The following SH3PXD2A variants were observed in gnomAD, a reference collection of about 807,000 sequenced individuals.
SH3PXD2A encodes the protein SH3 and PX domains 2A.
A neutral mutation model predicts 115.2 loss-of-function variants in SH3PXD2A; 32 were observed. The observed-to-expected ratio is 0.28, with a 90% CI of 0.21 to 0.37. SH3PXD2A has a LOEUF of 0.37. Among genes scored for constraint, SH3PXD2A ranks in the 10% least tolerant of loss-of-function variants. The pLI is 1.00. For synonymous variants in SH3PXD2A, 610 were observed against 629.1 expected (o/e 0.97, Z 0.45); for missense variants, 1,328 against 1,498.7 (o/e 0.89, Z 1.88).
chr10:103,714,934 A>ATGCCCTGGAGTT (rs1301951729), intron 5 of SH3PXD2A, among the ~76,000 whole-genome samples: 6 of 152,152 alleles, frequency 3.9e-5, no homozygotes, highest in Non-Finnish European at 5.9e-5. Context: ...GGGACTTGGG[A>ATGCCCTGGAGTT]TGCCCTGGAG....
intron 1 of SH3PXD2A, among the ~76,000 whole-genome samples, chr10:103,850,404 C>T (rs914654584): frequency 1.3e-5 from 2 of 152,068 alleles, no homozygotes; most frequent in African/African-American, 4.8e-5. Flanking sequence ...TTGTCAGACC[C>T]GTGAATCACC....
intron 8 of SH3PXD2A, among the ~76,000 whole-genome samples, chr10:103,642,958 G>A (rs1363048916): frequency 6.6e-6 from 1 of 152,102 alleles, no homozygotes; most frequent in Non-Finnish European, 1.5e-5. Context: ...CTTCAATTGG[G>A]CAAAAATAAA....
chr10:103,791,326 T>G (rs2039034123), intron 2 of SH3PXD2A, among the ~76,000 whole-genome samples: 1 of 152,202 alleles, frequency 6.6e-6, no homozygotes, highest in Non-Finnish European at 1.5e-5. Context: ...AAACACCCTG[T>G]GAACACCGTG....
intron 7 of SH3PXD2A, among the ~76,000 whole-genome samples, chr10:103,664,130 G>A (rs2037351784): frequency 6.6e-6 from 1 of 152,166 alleles, no homozygotes; most frequent in Non-Finnish European, 1.5e-5. Context: ...GAGCCTCTGT[G>A]GCCAACAGCA....
At chr10:103,606,432 TAA>T (rs533450822) in intron 13 of SH3PXD2A, among the ~76,000 whole-genome samples, 268 of 8,078 alleles carry the variant, frequency 0.033, 1 homozygote, top group East Asian at 0.065. Flanking sequence ...AAGAATTTGC[TAA>T]AAAAAAAAAA....
At chr10:103,836,986 T>C (rs1458226594) in intron 1 of SH3PXD2A, among the ~76,000 whole-genome samples, 1 of 152,192 alleles carries the variant, frequency 6.6e-6, no homozygotes, top group Non-Finnish European at 1.5e-5. Context: ...GAGTGACGGA[T>C]GAAGATATTA....
chr10:103,673,898 G>C (rs1412969417), intron 6 of SH3PXD2A, among the ~76,000 whole-genome samples: 1 of 152,196 alleles, frequency 6.6e-6, no homozygotes, highest in African/African-American at 2.4e-5. Context: ...CCCCACCCTG[G>C]GCTCTGGGGA....
chr10:103,793,884 G>A (rs1398017750), intron 2 of SH3PXD2A, among the ~76,000 whole-genome samples: 2 of 152,200 alleles, frequency 1.3e-5, no homozygotes, highest in African/African-American at 4.8e-5. Context: ...ATCACCCCAG[G>A]TTGATCTCAG....
At chr10:103,688,869 C>T (rs1486648620) in intron 6 of SH3PXD2A, among the ~76,000 whole-genome samples, 1 of 151,876 alleles carries the variant, frequency 6.6e-6, no homozygotes, top group Non-Finnish European at 1.5e-5. Flanking sequence ...CTCCTTCCTT[C>T]CTATTTATTT....
chr10:103,645,249 G>A (rs1464079885), intron 8 of SH3PXD2A, among the ~76,000 whole-genome samples: 2 of 152,220 alleles, frequency 1.3e-5, no homozygotes, highest in South Asian at 2.1e-4. Context: ...TGGGGCCAAT[G>A]CGGGATCAGC....
intron 11 of SH3PXD2A, among the ~76,000 whole-genome samples, chr10:103,615,483 GGTGTGTGTGTGTGTGTGTGTGT>G (rs57711259): frequency 0.19 from 24,756 of 128,606 alleles, 2,550 homozygotes; most frequent in Non-Finnish European, 0.23. Context: ...AGAGTGCGAG[GGTGTGTGTGTGTGTGTGTGTGT>G]GTGTGTGTGT....
At position 103,617,317 on chromosome 10, in the gene SH3PXD2A, G is replaced by T; in HGVS notation, c.803-3C>A. The T allele has an allele frequency of 6.2e-7, 1 of 1,604,156 alleles. No homozygotes were observed. Among genetic ancestry groups the T allele is most frequent in the Non-Finnish European group, 8.5e-7 (1 of 1,170,968 alleles). On this transcript the variant is annotated splice_polypyrimidine_tract_variant and splice_region_variant and intron_variant, in intron 10 of 14. Coordinates refer to ENST00000369774, the MANE Select transcript of SH3PXD2A (RefSeq NM_001394015.1). ...CTGCACGGTGACATACTTCTCCTCT[G>T]GGGGTGGGAGCAAGCAAGCAAGATT...
intron 6 of SH3PXD2A, among the ~76,000 whole-genome samples, chr10:103,682,909 G>A (rs2134109255): frequency 6.6e-6 from 1 of 152,328 alleles, no homozygotes; most frequent in African/African-American, 2.4e-5. Flanking sequence ...CTTTCTCACT[G>A]AGGATGGGTA....
chr10:103,603,739 C>T lies in SH3PXD2A; in HGVS notation c.1479G>A (p.Lys493=). 2.5e-6 allele frequency: 4 copies of T among 1,611,166 alleles called. No homozygotes were observed. The highest frequency in any genetic ancestry group is 3.4e-6 in the Non-Finnish European group (4 of 1,179,942). Residue 493 remains lysine, a synonymous_variant, in exon 15 of 15, where the codon AAG becomes AAA. Transcript: ENST00000369774. ...GGWWYVQIGE[K]EGWAPASYID... Reference sequence around the variant, plus strand: ...TGTATGATGCGGGGGCCCAGCCCTCCTTCTCACCGATCTGCACGTACCACC... The same window carrying T: ...TGTATGATGCGGGGGCCCAGCCCTCTTTCTCACCGATCTGCACGTACCACC...
intron 6 of SH3PXD2A, among the ~76,000 whole-genome samples, chr10:103,684,660 C>A (rs892129033): frequency 6.6e-6 from 1 of 152,058 alleles, no homozygotes; most frequent in Non-Finnish European, 1.5e-5. Flanking sequence ...CATAGACTAA[C>A]CCTTAATAGT....
intron 8 of SH3PXD2A, among the ~76,000 whole-genome samples, chr10:103,633,252 C>T (rs1252643330): frequency 6.6e-6 from 1 of 152,016 alleles, no homozygotes; most frequent in African/African-American, 2.4e-5. Context: ...CCTGTCTCTA[C>T]TAAAAATACA....
intron 8 of SH3PXD2A, among the ~76,000 whole-genome samples, chr10:103,651,333 G>A (rs1158093783): frequency 6.6e-6 from 1 of 152,204 alleles, no homozygotes; most frequent in Non-Finnish European, 1.5e-5. Context: ...ACTCTCTTGT[G>A]GGAAAAGAGT....
At position 103,627,692 on chromosome 10, in the gene SH3PXD2A, T is replaced by C. The variant is rs1245196290; in HGVS notation, c.605-490A>G. Among the ~76,000 whole-genome samples the C allele has an allele frequency of 6.6e-6, 1 of 152,208 alleles. No homozygotes were observed. The highest frequency in any genetic ancestry group is 2.4e-5 in the African/African-American group (1 of 41,462). On this transcript the variant is annotated intron_variant, in intron 8 of 14. Transcript: ENST00000369774. This position sits in a 1 kb window ranked among gnomAD's most constrained non-coding sequence, Gnocchi z 4.4. ...CGGGTCAGCGGTACCTTCGCATTGG[T>C]GCCACTCACAGCTGCCCTTTAAGTG... is the stretch of plus-strand genomic sequence containing the variant.
At chr10:103,744,599 T>C (rs936179164) in intron 3 of SH3PXD2A, among the ~76,000 whole-genome samples, 8 of 152,204 alleles carry the variant, frequency 5.3e-5, no homozygotes, top group Non-Finnish European at 5.9e-5. Context: ...GTCTACAGCC[T>C]TGTACCTGGC....
Sources: allele counts gnomAD v4.1 joint callset (sites outside exome capture counted in the v4.1 genomes callset), GRCh38; gene constraint gnomAD v4.1.1; non-coding constraint Gnocchi (gnomAD v3.1); transcripts MANE v1.5; gene names NCBI Gene and HGNC (gene_info 2026-07-23, HGNC 2026-07-21).